Variants in CALN1 observed in about 807,000 individuals in gnomAD.
CALN1 encodes the protein calneuron 1, also known as calcium-binding protein 8.
Under a neutral mutation model 30.6 loss-of-function variants are expected in CALN1, and 17 were observed. The ratio of observed to expected loss-of-function variants is 0.56; its 90% CI spans 0.38 to 0.83. The LOEUF (loss-of-function observed/expected upper bound fraction) is 0.83, where lower values mean the gene tolerates loss of function less well. CALN1 is among the 40% of genes least tolerant of loss of function. The pLI, the probability that CALN1 is intolerant of heterozygous loss-of-function variation, is 0.00. For synonymous variants in CALN1, 156 were observed against 131.4 expected (o/e 1.19, Z -1.28); for missense variants, 291 against 354.9 (o/e 0.82, Z 1.45).
chr7:72,190,047 T>TAAAC (rs377137345), intron 3 of CALN1, among the ~76,000 whole-genome samples: 3 of 151,920 alleles, frequency 2.0e-5, no homozygotes, highest in African/African-American at 7.3e-5. Context: ...AAATGGTGGG[T>TAAAC]AAACAAACAA....
At chr7:72,499,219 C>G in the CALN1 span, among the ~76,000 whole-genome samples, 2 of 151,916 alleles carry the variant, frequency 1.3e-5, no homozygotes, top group Non-Finnish European at 2.9e-5. Flanking sequence ...TTAGTAGAGA[C>G]GAGGTTTCAC....
At chr7:72,163,730 A>T (rs921441093) in intron 3 of CALN1, among the ~76,000 whole-genome samples, 1 of 152,204 alleles carries the variant, frequency 6.6e-6, no homozygotes, top group Non-Finnish European at 1.5e-5. Flanking sequence ...AAATCATCCA[A>T]TCTGAAGAAC....
At chr7:71,979,866 A>ATTTTTTTTT (rs1798299045) in intron 5 of CALN1, among the ~76,000 whole-genome samples, 1 of 118,790 alleles carries the variant, frequency 8.4e-6, no homozygotes, top group African/African-American at 3.2e-5. Flanking sequence ...ACACATCAGG[A>ATTTTTTTTT]TTCTTTTTTT....
intron 3 of CALN1, among the ~76,000 whole-genome samples, chr7:72,268,870 T>C (rs946181794): frequency 6.6e-6 from 1 of 151,708 alleles, no homozygotes; most frequent in Non-Finnish European, 1.5e-5. Context: ...AAGAAACTTA[T>C]GCAAGAATAA....
intron 4 of CALN1, among the ~76,000 whole-genome samples, chr7:72,054,437 A>G (rs1445535631): frequency 3.3e-5 from 2 of 61,436 alleles, no homozygotes; most frequent in African/African-American, 5.8e-5. Context: ...ATACACGTAT[A>G]TATATATATA....
intron 4 of CALN1, among the ~76,000 whole-genome samples, chr7:72,052,922 G>A (rs965717545): frequency 7.1e-6 from 1 of 141,218 alleles, no homozygotes; most frequent in African/African-American, 2.5e-5. Flanking sequence ...GCTCACGCCT[G>A]TAATCCCAGC....
At chr7:72,399,904 C>T (rs139080737) in intron 2 of CALN1, among the ~76,000 whole-genome samples, 45 of 152,240 alleles carry the variant, frequency 3.0e-4, no homozygotes, top group African/African-American at 1.0e-3. Context: ...TCTATTAGTT[C>T]ATGCAAGAGC....
At chr7:72,311,828 G>C (rs773472350) in intron 2 of CALN1, among the ~76,000 whole-genome samples, 1 of 151,760 alleles carries the variant, frequency 6.6e-6, no homozygotes, top group African/African-American at 2.4e-5. Flanking sequence ...AAAGTAAGGT[G>C]ATCTGTGAAG....
At chr7:71,815,599 C>G (rs982506816) in intron 5 of CALN1, among the ~76,000 whole-genome samples, 6 of 152,172 alleles carry the variant, frequency 3.9e-5, no homozygotes, top group Non-Finnish European at 7.3e-5. Flanking sequence ...TCTGTGGTTT[C>G]TGCAGTGTAA....
At chr7:71,806,849 C>A (rs1354096850) in intron 6 of CALN1, among the ~76,000 whole-genome samples, 1 of 152,200 alleles carries the variant, frequency 6.6e-6, no homozygotes, top group African/African-American at 2.4e-5. Context: ...GCTCAACACT[C>A]CTCAGGGAAT....
chr7:72,211,104 T>C (rs564255173), intron 3 of CALN1, among the ~76,000 whole-genome samples: 10 of 152,226 alleles, frequency 6.6e-5, no homozygotes, highest in Admixed American at 2.6e-4. Context: ...GTGACACTCC[T>C]AATGAAATCA....
At chr7:72,173,574 T>C (rs78948681) in intron 3 of CALN1, among the ~76,000 whole-genome samples, 4,266 of 152,160 alleles carry the variant, frequency 0.028, 107 homozygotes, top group South Asian at 0.12. Flanking sequence ...GAAGGCCCAG[T>C]CAAAAGGACA....
intron 3 of CALN1, among the ~76,000 whole-genome samples, chr7:72,273,114 A>G (rs560144324): frequency 1.3e-5 from 2 of 151,996 alleles, no homozygotes; most frequent in East Asian, 1.9e-4. Context: ...GACGGCATGC[A>G]TATCAATCTC....
chr7:72,367,032 T>G (rs950426821), intron 2 of CALN1, among the ~76,000 whole-genome samples: 1 of 151,784 alleles, frequency 6.6e-6, no homozygotes, highest in Non-Finnish European at 1.5e-5. Context: ...ACCACATGGA[T>G]GAACCTCACA....
At position 72,202,670 on chromosome 7, in the gene CALN1, C is replaced by T. The variant is rs114781139; in HGVS notation, c.244+76016G>A. 3.0e-3 allele frequency among the ~76,000 whole-genome samples: 453 copies of T among 152,276 alleles called. 2 individuals carry two copies. The highest frequency in any genetic ancestry group is 0.011 in the African/African-American group (445 of 41,564). On this transcript the variant is annotated intron_variant, in intron 3 of 6. Transcript: ENST00000395275. ...AGGAGTAAACCAGAGACTTTGAAAA[C>T]ACACTTGTGTAGTCTGACATCTGTG...
At chr7:72,354,113 A>G (rs1473516112) in intron 2 of CALN1, among the ~76,000 whole-genome samples, 3 of 152,118 alleles carry the variant, frequency 2.0e-5, no homozygotes, top group African/African-American at 7.2e-5. Context: ...CTTGAACCCA[A>G]GAGGGGGAGG....
chr7:71,979,990 G>T (rs764778231), intron 5 of CALN1, among the ~76,000 whole-genome samples: 2 of 143,560 alleles, frequency 1.4e-5, no homozygotes, highest in Non-Finnish European at 3.0e-5. Flanking sequence ...GGATTCTTCT[G>T]CCTCAGCCTC....
intron 5 of CALN1, among the ~76,000 whole-genome samples, chr7:71,994,348 C>A (rs1200921032): frequency 6.6e-6 from 1 of 151,832 alleles, no homozygotes; most frequent in Non-Finnish European, 1.5e-5. Flanking sequence ...TCCGTCTCTA[C>A]TAAAAATACA....
intron 2 of CALN1, among the ~76,000 whole-genome samples, chr7:72,355,198 G>A (rs1192646196): frequency 2.0e-5 from 3 of 152,104 alleles, no homozygotes; most frequent in East Asian, 1.9e-4. Context: ...GTGAGCCAAC[G>A]TGCTCAGCCA....
Sources: allele counts gnomAD v4.1 joint callset (sites outside exome capture counted in the v4.1 genomes callset), GRCh38; gene constraint gnomAD v4.1.1; transcripts MANE v1.5; gene names NCBI Gene and HGNC (gene_info 2026-07-23, HGNC 2026-07-21).